Variants in NBEA observed in about 807,000 individuals in gnomAD.
NBEA encodes neurobeachin.
In NBEA, 44 loss-of-function variants were observed where a neutral mutation model predicts 343.4. That is an observed-to-expected ratio of 0.13 (90% CI 0.10 to 0.16). NBEA has a LOEUF of 0.16. Among genes scored for constraint, NBEA ranks in the 10% least tolerant of loss-of-function variants. NBEA has a pLI of 1.00. For missense variants in NBEA, 2,555 were observed against 3,631.3 expected, an observed-to-expected ratio of 0.70 and a Z score of 7.62; for synonymous variants, 1,175 against 1,238.7, an observed-to-expected ratio of 0.95 and a Z score of 1.08.
intron 38 of NBEA, among the ~76,000 whole-genome samples, chr13:35,426,319 A>C (rs892274220): frequency 5.3e-5 from 8 of 152,098 alleles, no homozygotes; most frequent in Non-Finnish European, 8.8e-5. Flanking sequence ...TGCTTCCTTC[A>C]GGAGCTCTTT....
At chr13:35,157,034 T>A in intron 20 of NBEA, 44 bp from the exon 21 acceptor site, 1 of 1,415,644 alleles carries the variant, frequency 7.1e-7, no homozygotes, top group Non-Finnish European at 9.4e-7. Context: ...AAATTCTAAC[T>A]TAATTTGGAT....
rs371821813 is a variant in NBEA, at chr13:35,550,485, A to G, written c.6594A>G (p.Ala2198=). 1 of 1,606,464 alleles carries G rather than the reference A, an allele frequency of 6.2e-7. No homozygotes were observed. Among genetic ancestry groups the G allele is most frequent in the African/African-American group, 1.3e-5 (1 of 74,754 alleles). ...TAAACTGTTTATTTTAGGTTCTTGC[A>G]TACACTGAGGGACTTCACGGAAAAT... is the stretch of plus-strand genomic sequence containing the variant. The part of the protein sequence containing the change: ...AFKKIDTKVL[A]YTEGLHGKWM... The change falls in exon 42 of 59, where the codon GCA becomes GCG. Residue 2198 remains alanine, a synonymous_variant. Transcript: ENST00000379939.
At position 35,067,198 on chromosome 13, in the gene NBEA, T is replaced by C. The variant is rs73483911; in HGVS notation, c.1240-2710T>C. On this transcript the variant is annotated intron_variant, in intron 8 of 58. Transcript: ENST00000379939. ...AGAAGAAAGATACAGTATATGTTTATAGATTTTGTTATATTGATCTTCTGA... is the reference window on the plus strand; with the variant it reads ...AGAAGAAAGATACAGTATATGTTTACAGATTTTGTTATATTGATCTTCTGA... Among the ~76,000 whole-genome samples, 972 of 152,244 alleles carry C rather than the reference T, an allele frequency of 6.4e-3. 11 individuals carry two copies. The highest frequency in any genetic ancestry group is 0.022 in the African/African-American group (931 of 41,560).
chr13:35,434,861 A>G (rs565670126), intron 39 of NBEA, among the ~76,000 whole-genome samples: 34 of 152,328 alleles, frequency 2.2e-4, no homozygotes, highest in African/African-American at 7.7e-4. Flanking sequence ...GTACATGTCA[A>G]TAATTATTAC....
intron 1 of NBEA, among the ~76,000 whole-genome samples, chr13:34,947,684 T>G (rs116932111): frequency 0.046 from 6,946 of 152,316 alleles, 238 homozygotes; most frequent in Non-Finnish European, 0.067. Flanking sequence ...TGTATATTTA[T>G]TTTTTGTATT....
At chr13:35,468,257 C>T (rs191493673) in intron 40 of NBEA, among the ~76,000 whole-genome samples, 262 of 152,170 alleles carry the variant, frequency 1.7e-3, no homozygotes, top group Non-Finnish European at 2.4e-3. Flanking sequence ...TAGGCCATGG[C>T]GTTCTCTTGT....
chr13:35,264,289 C>T (rs2033473339), intron 34 of NBEA, among the ~76,000 whole-genome samples: 3 of 151,766 alleles, frequency 2.0e-5, no homozygotes, highest in African/African-American at 4.8e-5. Context: ...AAAGAAAAGC[C>T]CAGGATCTGA....
intron 47 of NBEA, among the ~76,000 whole-genome samples, chr13:35,604,853 A>G (rs1197105275): frequency 2.0e-5 from 3 of 151,880 alleles, no homozygotes; most frequent in East Asian, 1.9e-4. Flanking sequence ...TCCAACTCCA[A>G]TGGCCCATCT....
At chr13:35,451,162 C>T (rs568761848) in intron 39 of NBEA, among the ~76,000 whole-genome samples, 9 of 152,186 alleles carry the variant, frequency 5.9e-5, no homozygotes, top group Middle Eastern at 6.8e-3. Context: ...CTCACTCTGT[C>T]GCCCAGGCTG....
At chr13:35,524,891 G>A (rs1195704576) in intron 41 of NBEA, among the ~76,000 whole-genome samples, 1 of 152,172 alleles carries the variant, frequency 6.6e-6, no homozygotes, top group Non-Finnish European at 1.5e-5. Flanking sequence ...CTGGATGAAT[G>A]ATTCAGAAGC....
At chr13:35,460,592 A>G (rs1414395157) in intron 40 of NBEA, among the ~76,000 whole-genome samples, 2 of 152,184 alleles carry the variant, frequency 1.3e-5, no homozygotes, top group African/African-American at 4.8e-5. Context: ...AGAATGTGCA[A>G]ACATTTTACT....
chr13:35,389,261 A>G (rs1034848309), intron 38 of NBEA, among the ~76,000 whole-genome samples: 22 of 152,134 alleles, frequency 1.4e-4, no homozygotes, highest in African/African-American at 4.8e-4. Flanking sequence ...ATTCAAGTAA[A>G]TTCAGTCCCA....
chr13:35,646,775 A>G (rs1050599237), intron 51 of NBEA, among the ~76,000 whole-genome samples: 1 of 152,232 alleles, frequency 6.6e-6, no homozygotes, highest in African/African-American at 2.4e-5. Context: ...ATATAAAGGT[A>G]ATTTGTGGTT....
chr13:35,051,387 G>GTTTTC (rs144443013), intron 6 of NBEA, among the ~76,000 whole-genome samples: 15,877 of 151,684 alleles, frequency 0.1, 969 homozygotes, highest in African/African-American at 0.16. Flanking sequence ...TTTTTTGTTT[G>GTTTTC]TTGTTGCTTA....
intron 33 of NBEA, among the ~76,000 whole-genome samples, chr13:35,231,281 T>C (rs2074958193): frequency 1.3e-5 from 2 of 152,106 alleles, no homozygotes. Context: ...TCCGATATTA[T>C]TCTCTAATAG....
intron 17 of NBEA, among the ~76,000 whole-genome samples, chr13:35,124,268 T>C (rs529282109): frequency 1.2e-3 from 182 of 150,836 alleles, no homozygotes; most frequent in African/African-American, 4.4e-3. Context: ...TTTTTTTTTT[T>C]GGTGCTTACT....
intron 1 of NBEA, 131 bp downstream of exon 1, chr13:34,943,245 C>G (rs1203461424): frequency 1.6e-6 from 2 of 1,233,360 alleles, no homozygotes; most frequent in African/African-American, 1.5e-5. Context: ...AGCGTTCAGC[C>G]GGTATTGCCC....
chr13:35,378,340 C>G (rs1001765634), intron 38 of NBEA, among the ~76,000 whole-genome samples: 7 of 152,166 alleles, frequency 4.6e-5, no homozygotes, highest in African/African-American at 7.2e-5. Flanking sequence ...ATTCATAACT[C>G]AGGAATGAAC....
intron 33 of NBEA, among the ~76,000 whole-genome samples, chr13:35,227,177 C>A (rs566414737): frequency 4.6e-5 from 7 of 151,666 alleles, no homozygotes; most frequent in Non-Finnish European, 8.8e-5. Context: ...GTAGCGGCCA[C>A]AACCTTAGAA....
Sources: allele counts gnomAD v4.1 joint callset (sites outside exome capture counted in the v4.1 genomes callset), GRCh38; gene constraint gnomAD v4.1.1; transcripts MANE v1.5; gene names NCBI Gene and HGNC (gene_info 2026-07-23, HGNC 2026-07-21).